Variants in GTF2E2 observed in about 807,000 individuals in gnomAD.
GTF2E2 encodes transcription initiation factor IIE subunit beta.
A neutral mutation model predicts 40.5 loss-of-function variants in GTF2E2; 21 were observed. That is an observed-to-expected ratio of 0.52 (90% CI 0.37 to 0.75). The LOEUF (loss-of-function observed/expected upper bound fraction) is 0.75, where lower values mean the gene tolerates loss of function less well. Ranked by LOEUF, GTF2E2 falls within the 30% of genes least tolerant of loss-of-function variation. The probability of loss-of-function intolerance (pLI) is 0.00; values close to 1 mark genes in which losing one functional copy is unlikely to be tolerated. For synonymous variants in GTF2E2, 117 were observed against 121.6 expected, an observed-to-expected ratio of 0.96 and a Z score of 0.25; for missense variants, 298 against 338.4, an observed-to-expected ratio of 0.88 and a Z score of 0.94.
intron 6 of GTF2E2, among the ~76,000 whole-genome samples, chr8:30,602,770 A>C (rs1007080962): frequency 6.6e-6 from 1 of 151,780 alleles, no homozygotes; most frequent in African/African-American, 2.4e-5. Context: ...AAAAAAAAAA[A>C]AGGTGTTCAC....
Position 30,607,115 on chromosome 8 carries a change from G to A in GTF2E2, c.585C>T (p.Pro195=), listed in dbSNP as rs200044463. 66 of 1,483,594 alleles carry A rather than the reference G, an allele frequency of 4.4e-5. 1 individual carries two copies. Among genetic ancestry groups the A allele is most frequent in the Middle Eastern group, 3.5e-4 (2 of 5,722 alleles). The allele number at this position is 1,483,594 out of a possible 1,614,324, so 91.9% of individuals were successfully genotyped here. ...LGDQILFVNR[P]DKKKILFFND... ...TGAAGAAAAGTATTTTCTTCTTATC[G>A]GGACGATTTACAAATAGTATCTGGT... is the stretch of plus-strand genomic sequence containing the variant. The change falls in exon 6 of 8, where the codon CCC becomes CCT. Residue 195 remains proline (P), a synonymous_variant. Transcript: ENST00000355904.
chr8:30,609,803 CTGATAA>C (rs1310056418), intron 5 of GTF2E2, among the ~76,000 whole-genome samples: 2 of 152,116 alleles, frequency 1.3e-5, no homozygotes, highest in African/African-American at 4.8e-5. Context: ...TGCTGTTCTC[CTGATAA>C]TGAGTTCTCA....
intron 3 of GTF2E2, among the ~76,000 whole-genome samples, chr8:30,634,773 T>C (rs1294077794): frequency 1.3e-5 from 2 of 152,212 alleles, no homozygotes; most frequent in Non-Finnish European, 2.9e-5. Context: ...AGGCACACTC[T>C]TATTAAGTGA....
intron 1 of GTF2E2, among the ~76,000 whole-genome samples, chr8:30,656,700 T>C (rs1423968032): frequency 6.7e-6 from 1 of 149,350 alleles, no homozygotes; most frequent in African/African-American, 2.5e-5. Context: ...CCCAACTACT[T>C]GGGAGGCTGA....
At chr8:30,607,460 T>A (rs897697319) in intron 5 of GTF2E2, among the ~76,000 whole-genome samples, 1 of 152,140 alleles carries the variant, frequency 6.6e-6, no homozygotes, top group Non-Finnish European at 1.5e-5. Context: ...TTTCAATTTT[T>A]TGTAGACAAA....
intron 2 of GTF2E2, among the ~76,000 whole-genome samples, chr8:30,651,399 A>G (rs1459473046): frequency 1.3e-5 from 2 of 152,094 alleles, no homozygotes; most frequent in African/African-American, 4.8e-5. Flanking sequence ...ATATACTAGC[A>G]ATGAACAATT....
chr8:30,602,223 G>T (rs113074344), intron 6 of GTF2E2, among the ~76,000 whole-genome samples: 132 of 152,130 alleles, frequency 8.7e-4, no homozygotes, highest in Middle Eastern at 3.4e-3. Flanking sequence ...TCACCATGTT[G>T]ACCAGGCTGG....
intron 6 of GTF2E2, among the ~76,000 whole-genome samples, chr8:30,598,494 G>C (rs2151117557): frequency 6.6e-6 from 1 of 152,220 alleles, no homozygotes; most frequent in South Asian, 2.1e-4. Context: ...AGTCACTTGA[G>C]CTATTTTCAG....
intron 3 of GTF2E2, among the ~76,000 whole-genome samples, chr8:30,620,273 C>T (rs971722668): frequency 6.7e-6 from 1 of 149,142 alleles, no homozygotes; most frequent in African/African-American, 2.5e-5. Context: ...CACACACACA[C>T]GTATACATAC....
chr8:30,640,193 A>G lies in GTF2E2; in HGVS notation c.167-5070T>C, dbSNP rs114632094. ...GAGCTTAAATTAAGTGAGTTGCTCTATATTTACAGGCTATTAGGATTAACT... is the reference window on the plus strand; with the variant it reads ...GAGCTTAAATTAAGTGAGTTGCTCTGTATTTACAGGCTATTAGGATTAACT... On this transcript the variant is annotated intron_variant, in intron 2 of 7. Transcript: ENST00000355904. Among the ~76,000 whole-genome samples, 710 of 152,334 alleles carry G rather than the reference A, an allele frequency of 4.7e-3. 3 individuals are homozygous for G. Among genetic ancestry groups the G allele is most frequent in the African/African-American group, 0.016 (666 of 41,578 alleles).
intron 6 of GTF2E2, among the ~76,000 whole-genome samples, chr8:30,594,059 T>C (rs1272218051): frequency 6.6e-6 from 1 of 151,992 alleles, no homozygotes; most frequent in Non-Finnish European, 1.5e-5. Flanking sequence ...GCCCCCCAAG[T>C]AGCTGGGATT....
intron 3 of GTF2E2, among the ~76,000 whole-genome samples, chr8:30,622,764 G>T (rs1033868321): frequency 1.3e-5 from 2 of 152,042 alleles, no homozygotes; most frequent in Non-Finnish European, 2.9e-5. Context: ...CTGAGAAAAA[G>T]AATTCAGCGA....
intron 6 of GTF2E2, among the ~76,000 whole-genome samples, chr8:30,589,254 C>CA (rs987169777): frequency 2.6e-5 from 4 of 151,552 alleles, no homozygotes; most frequent in South Asian, 2.1e-4. Flanking sequence ...GACTCCACCT[C>CA]AAAAAAAAGA....
At chr8:30,645,691 A>C in intron 2 of GTF2E2, 1 of 1,242,782 alleles carries the variant, frequency 8.0e-7, no homozygotes. Flanking sequence ...TACAAAACAA[A>C]TTCTGACTGA....
chr8:30,595,413 T>C (rs968189907), intron 6 of GTF2E2, among the ~76,000 whole-genome samples: 1 of 152,250 alleles, frequency 6.6e-6, no homozygotes, highest in African/African-American at 2.4e-5. Context: ...TAGATCCAAA[T>C]GTCTAATGTC....
intron 6 of GTF2E2, among the ~76,000 whole-genome samples, chr8:30,593,687 G>A (rs1376833517): frequency 2.6e-5 from 4 of 152,088 alleles, no homozygotes; most frequent in Admixed American, 6.6e-5. Flanking sequence ...GTAGAGACGA[G>A]GTTTCGCCAC....
chr8:30,633,015 T>G (rs1262652215), intron 3 of GTF2E2, among the ~76,000 whole-genome samples: 1 of 152,176 alleles, frequency 6.6e-6, no homozygotes, highest in Non-Finnish European at 1.5e-5. Flanking sequence ...TGCATTCATT[T>G]AAGAATAAAT....
intron 6 of GTF2E2, among the ~76,000 whole-genome samples, chr8:30,589,127 C>T (rs1365584453): frequency 3.3e-5 from 5 of 152,080 alleles, no homozygotes; most frequent in Non-Finnish European, 7.4e-5. Flanking sequence ...CGTGGTGGCA[C>T]ACGCCTGTAA....
chr8:30,607,491 G>C (rs930466688), intron 5 of GTF2E2, among the ~76,000 whole-genome samples: 15 of 151,982 alleles, frequency 9.9e-5, no homozygotes, highest in Non-Finnish European at 1.5e-5. Flanking sequence ...ATGTTGCCAG[G>C]GCTGGTCTTG....
Sources: gnomAD v4.1 joint callset for allele counts (sites outside exome capture counted in the v4.1 genomes callset) on GRCh38, gnomAD v4.1.1 for gene constraint, MANE v1.5 for transcripts, NCBI Gene and HGNC (gene_info 2026-07-23, HGNC 2026-07-21) for gene names.